The following BMPR1B variants were observed in gnomAD, a reference collection of about 807,000 sequenced individuals.
BMPR1B encodes bone morphogenetic protein receptor type 1B.
BMPR1B carries 12 observed loss-of-function variants against 59.1 expected under a neutral mutation model. The observed-to-expected ratio is 0.20, with a 90% confidence interval of 0.13 to 0.33. The LOEUF is 0.33. BMPR1B is among the 10% of genes least tolerant of loss of function. BMPR1B has a pLI of 1.00. For synonymous variants in BMPR1B, 237 were observed against 207.3 expected, an observed-to-expected ratio of 1.14 and a Z score of -1.23; for missense variants, 550 against 610.9, an observed-to-expected ratio of 0.90 and a Z score of 1.05.
At chr4:95,080,755 C>A (rs1729074525) in intron 3 of BMPR1B, among the ~76,000 whole-genome samples, 1 of 152,060 alleles carries the variant, frequency 6.6e-6, no homozygotes, top group Admixed American at 6.6e-5. Context: ...AACAACCAAC[C>A]AAACCAACCA....
intron 2 of BMPR1B, among the ~76,000 whole-genome samples, chr4:94,962,577 CA>C (rs1730413494): frequency 6.6e-6 from 1 of 152,028 alleles, no homozygotes; most frequent in Non-Finnish European, 1.5e-5. Context: ...GAGAACATGC[CA>C]TATTTAACTT....
intron 3 of BMPR1B, among the ~76,000 whole-genome samples, chr4:95,080,443 C>T (rs1168544612): frequency 2.6e-5 from 4 of 152,092 alleles, no homozygotes; most frequent in Admixed American, 2.0e-4. Context: ...ACCATGTTAG[C>T]CAGGCTGGTC....
At chr4:94,842,718 A>G (rs980505449) in intron 1 of BMPR1B, among the ~76,000 whole-genome samples, 47 of 152,312 alleles carry the variant, frequency 3.1e-4, no homozygotes, top group Middle Eastern at 3.4e-3. Context: ...ATTAGCTGTA[A>G]TTGAGCTGCA....
intron 2 of BMPR1B, among the ~76,000 whole-genome samples, chr4:94,987,254 A>T (rs1721480460): frequency 6.9e-6 from 1 of 145,628 alleles, no homozygotes; most frequent in Non-Finnish European, 1.5e-5. Flanking sequence ...ATATAATATA[A>T]AATATATATT....
At chr4:94,875,284 A>T (rs896360437) in intron 1 of BMPR1B, among the ~76,000 whole-genome samples, 2 of 152,230 alleles carry the variant, frequency 1.3e-5, no homozygotes, top group Admixed American at 6.5e-5. Context: ...CTTGATCTCT[A>T]CTACAGTGCT....
intron 1 of BMPR1B, among the ~76,000 whole-genome samples, chr4:94,817,066 G>A (rs1219397455): frequency 6.6e-6 from 1 of 152,024 alleles, no homozygotes; most frequent in Non-Finnish European, 1.5e-5. Flanking sequence ...TGCCACGTGC[G>A]GGACACATCG....
chr4:95,105,049 A>G (rs564362979), intron 4 of BMPR1B, among the ~76,000 whole-genome samples: 45 of 152,110 alleles, frequency 3.0e-4, no homozygotes, highest in Admixed American at 4.6e-4. Context: ...CGATTCCCCA[A>G]GTTGCTAAGA....
At chr4:94,915,074 A>T (rs545736811) in intron 2 of BMPR1B, among the ~76,000 whole-genome samples, 2 of 152,284 alleles carry the variant, frequency 1.3e-5, no homozygotes, top group South Asian at 2.1e-4. Flanking sequence ...CCCATTATTT[A>T]AAAAATGTAT....
intron 9 of BMPR1B, 140 bp from the exon 10 acceptor site, chr4:95,131,075 A>G (rs1733318749): frequency 1.1e-6 from 1 of 878,718 alleles, no homozygotes; most frequent in African/African-American, 1.7e-5. Flanking sequence ...TAGTCATTTA[A>G]TACCATCATA....
intron 1 of BMPR1B, among the ~76,000 whole-genome samples, chr4:94,846,742 C>T (rs1395449540): frequency 7.2e-6 from 1 of 138,172 alleles, no homozygotes; most frequent in Non-Finnish European, 1.6e-5. Context: ...TCTATATATC[C>T]ATTCCATTAG....
At chr4:94,965,978 A>C (rs1288138150) in intron 2 of BMPR1B, among the ~76,000 whole-genome samples, 4 of 152,196 alleles carry the variant, frequency 2.6e-5, no homozygotes, top group Non-Finnish European at 5.9e-5. Flanking sequence ...CCAGGAGAGC[A>C]CTTAGAGAGA....
chr4:94,964,869 A>G (rs1335044417), intron 2 of BMPR1B, among the ~76,000 whole-genome samples: 4 of 152,134 alleles, frequency 2.6e-5, no homozygotes, highest in African/African-American at 4.8e-5. Context: ...ATGTTAGTAT[A>G]TTTAAATGTT....
In BMPR1B at chr4:94,884,243, C is replaced by T. The variant is rs75356387; in HGVS notation, c.-113+8343C>T. 8.1e-3 allele frequency among the ~76,000 whole-genome samples: 1,236 copies of T among 152,198 alleles called. 10 individuals carry two copies. The highest frequency in any genetic ancestry group is 0.026 in the African/African-American group (1,096 of 41,536). On this transcript the variant is annotated intron_variant, in intron 2 of 12. Transcript: ENST00000515059. ...CCAGTTTCATATAAAAAACTGACCT[C>T]GGCTGGGCGTGGTGGCTCATGCCTG...
chr4:94,809,935 A>G (rs1384523296), intron 1 of BMPR1B, among the ~76,000 whole-genome samples: 1 of 152,226 alleles, frequency 6.6e-6, no homozygotes, highest in Admixed American at 6.5e-5. Context: ...TAGAAAAAAG[A>G]AAGTATACAG....
intron 3 of BMPR1B, among the ~76,000 whole-genome samples, chr4:95,096,309 A>G (rs13139927): frequency 0.29 from 43,513 of 151,360 alleles, 6,815 homozygotes; most frequent in South Asian, 0.41. Context: ...ACTGCAATAT[A>G]TTTTCCAGAA....
chr4:95,007,341 A>G (rs1722918260), intron 3 of BMPR1B, among the ~76,000 whole-genome samples: 1 of 152,190 alleles, frequency 6.6e-6, no homozygotes, highest in African/African-American at 2.4e-5. Context: ...ATTTGTATAT[A>G]GTTATTCTGT....
intron 3 of BMPR1B, among the ~76,000 whole-genome samples, chr4:95,082,087 C>T (rs1729191361): frequency 6.7e-6 from 1 of 149,858 alleles, no homozygotes; most frequent in African/African-American, 2.5e-5. Context: ...CACCCATTAA[C>T]TCGTCATTTA....
chr4:94,843,100 A>G (rs1386171207), intron 1 of BMPR1B, among the ~76,000 whole-genome samples: 1 of 152,162 alleles, frequency 6.6e-6, no homozygotes, highest in Non-Finnish European at 1.5e-5. Flanking sequence ...ATTAACTCTG[A>G]AAAAAATCAA....
intron 2 of BMPR1B, among the ~76,000 whole-genome samples, chr4:94,990,508 C>T (rs1225025877): frequency 2.0e-5 from 3 of 152,164 alleles, no homozygotes; most frequent in Non-Finnish European, 2.9e-5. Context: ...AAATACTATT[C>T]AACAATAAAA....
Sources: allele counts gnomAD v4.1 joint callset (sites outside exome capture counted in the v4.1 genomes callset), GRCh38; gene constraint gnomAD v4.1.1; transcripts MANE v1.5; gene names NCBI Gene and HGNC (gene_info 2026-07-23, HGNC 2026-07-21).